UIMC1: variants seen among roughly 807,000 people sequenced by gnomAD.
UIMC1 encodes ubiquitin interaction motif containing 1, also known as BRCA1-A complex subunit RAP80.
In UIMC1, 42 loss-of-function variants were observed where a neutral mutation model predicts 84.9. The ratio of observed to expected loss-of-function variants is 0.49; its 90% CI spans 0.39 to 0.64. The LOEUF (loss-of-function observed/expected upper bound fraction) is 0.64. UIMC1 is among the 30% of genes least tolerant of loss of function. UIMC1 has a pLI of 0.00. For missense variants in UIMC1, 825 were observed against 847.6 expected (o/e 0.97, Z 0.33); for synonymous variants, 281 against 293.0 (o/e 0.96, Z 0.42).
chr5:176,943,319 C>T lies in UIMC1; in HGVS notation c.1597+16G>A. The T allele has an allele frequency of 6.2e-7, 1 of 1,611,328 alleles. No individual in the cohort carries two copies. The highest frequency in any genetic ancestry group is 8.5e-7 in the Non-Finnish European group (1 of 1,178,836). Reference sequence around the variant, plus strand: ...CACAAAAAAGTAAGAGTTTGGCTGTCCTGCTGGGTCTTTACCTGTATCTTC... The same window carrying T: ...CACAAAAAAGTAAGAGTTTGGCTGTTCTGCTGGGTCTTTACCTGTATCTTC... On this transcript the variant is annotated intron_variant, in intron 10 of 14. Transcript: ENST00000511320.
At chr5:176,974,256 T>C (rs548810552) in intron 3 of UIMC1, among the ~76,000 whole-genome samples, 1 of 151,994 alleles carries the variant, frequency 6.6e-6, no homozygotes, top group South Asian at 2.1e-4. Context: ...GAACAGAAAA[T>C]TCAGAAATAG....
intron 10 of UIMC1, among the ~76,000 whole-genome samples, chr5:176,938,590 A>G (rs1480152991): frequency 6.6e-6 from 1 of 152,168 alleles, no homozygotes; most frequent in African/African-American, 2.4e-5. Context: ...AAAAATCAAC[A>G]GAGAGCTCTC....
chr5:177,000,300 G>A (rs1030776413), intron 1 of UIMC1, among the ~76,000 whole-genome samples: 1 of 151,782 alleles, frequency 6.6e-6, no homozygotes, highest in Admixed American at 6.6e-5. Context: ...CCATAGTGCT[G>A]GTACTAGTTT....
At position 176,982,635 on chromosome 5, in the gene UIMC1, G is replaced by A. The variant is rs904920798; in HGVS notation, c.-8-12C>T. ...TGGCATCCTTTTGTCTAGAATAAAA[G>A]GACAATAATTTTGTCTAGAATAAAA... On this transcript the variant is annotated splice_polypyrimidine_tract_variant and intron_variant, in intron 1 of 14. Coordinates refer to ENST00000511320, the MANE Select transcript of UIMC1 (RefSeq NM_001199298.2). 1 of 1,603,332 alleles carries A rather than the reference G, an allele frequency of 6.2e-7. No homozygotes were observed. Among genetic ancestry groups the A allele is most frequent in the Non-Finnish European group, 8.5e-7 (1 of 1,177,312 alleles).
chr5:176,921,799 T>A (rs1397360326), intron 10 of UIMC1, among the ~76,000 whole-genome samples: 1 of 152,190 alleles, frequency 6.6e-6, no homozygotes, highest in Non-Finnish European at 1.5e-5. Flanking sequence ...CTCTATAGAT[T>A]ATTTTCCACA....
intron 9 of UIMC1, among the ~76,000 whole-genome samples, chr5:176,950,604 T>C (rs1765748087): frequency 6.7e-6 from 1 of 150,030 alleles, no homozygotes; most frequent in African/African-American, 2.4e-5. Flanking sequence ...GCGCGGTGGC[T>C]CACGCCTGTA....
At chr5:176,907,447 C>T (rs1759535749) in intron 12 of UIMC1, 1 of 349,962 alleles carries the variant, frequency 2.9e-6, no homozygotes, top group African/African-American at 2.1e-5. Flanking sequence ...CCAGAATAAA[C>T]TGGCTGTATA....
chr5:177,010,876 G>A (rs778900339), upstream of UIMC1, among the ~76,000 whole-genome samples: 4 of 152,054 alleles, frequency 2.6e-5, no homozygotes, highest in East Asian at 1.9e-4. Context: ...TAATATATCT[G>A]TAATGCTCTG....
intron 1 of UIMC1, among the ~76,000 whole-genome samples, chr5:177,019,880 T>C (rs1307664930): frequency 1.3e-5 from 2 of 151,664 alleles, no homozygotes; most frequent in African/African-American, 2.4e-5. Context: ...TGCAGTGAAC[T>C]GAGATGGTGC....
chr5:176,942,763 A>G (rs1764596961), intron 10 of UIMC1, among the ~76,000 whole-genome samples: 1 of 148,434 alleles, frequency 6.7e-6, no homozygotes, highest in Admixed American at 6.7e-5. Context: ...AAAAAAAAAA[A>G]AAAAGGTTGG....
At chr5:177,000,196 C>A (rs766991079) in intron 1 of UIMC1, among the ~76,000 whole-genome samples, 3 of 152,166 alleles carry the variant, frequency 2.0e-5, no homozygotes, top group African/African-American at 4.8e-5. Context: ...ACCTCATGAT[C>A]CGCCGCCTCG....
At chr5:176,950,010 G>A (rs1032812002) in intron 9 of UIMC1, among the ~76,000 whole-genome samples, 16 of 150,814 alleles carry the variant, frequency 1.1e-4, no homozygotes, top group African/African-American at 3.4e-4. Context: ...AGCCGAGATC[G>A]CACCACTGCA....
At chr5:176,979,089 T>C (rs1770598313) in intron 2 of UIMC1, among the ~76,000 whole-genome samples, 1 of 152,110 alleles carries the variant, frequency 6.6e-6, no homozygotes, top group Non-Finnish European at 1.5e-5. Context: ...ATGTGACAGA[T>C]TAACGGAAGA....
At chr5:177,014,198 G>A (rs2454950) in intron 1 of UIMC1, among the ~76,000 whole-genome samples, 64,108 of 150,952 alleles carry the variant, frequency 0.42, 13,736 homozygotes, top group East Asian at 0.47. Context: ...GATTACAGGC[G>A]TGCAACACCA....
intron 10 of UIMC1, among the ~76,000 whole-genome samples, chr5:176,934,251 GA>G (rs1763457249): frequency 6.6e-6 from 1 of 152,042 alleles, no homozygotes; most frequent in South Asian, 2.1e-4. Context: ...ATTTTATATA[GA>G]AAAAGACATA....
chr5:176,969,388 A>G, intron 5 of UIMC1, 97 bp from the exon 6 acceptor site: 2 of 1,483,956 alleles, frequency 1.3e-6, no homozygotes, highest in Non-Finnish European at 1.8e-6. Context: ...AATATGGGTA[A>G]GAAAGGCTCT....
chr5:176,995,774 C>T (rs1773515077), intron 1 of UIMC1, among the ~76,000 whole-genome samples: 1 of 138,840 alleles, frequency 7.2e-6, no homozygotes. Context: ...ACCTGGGAGG[C>T]AGAGGTTGCG....
chr5:176,921,997 C>T (rs920433352), intron 10 of UIMC1, among the ~76,000 whole-genome samples: 14 of 152,140 alleles, frequency 9.2e-5, no homozygotes, highest in Non-Finnish European at 8.8e-5. Context: ...AAGAAACATG[C>T]CAAACACACT....
intron 9 of UIMC1, among the ~76,000 whole-genome samples, chr5:176,945,393 C>T (rs1764952136): frequency 6.6e-6 from 1 of 152,142 alleles, no homozygotes. Context: ...TAGGGAGACT[C>T]CCTGAAACTA....
Sources: allele counts gnomAD v4.1 joint callset (sites outside exome capture counted in the v4.1 genomes callset), GRCh38; gene constraint gnomAD v4.1.1; transcripts MANE v1.5; gene names NCBI Gene and HGNC (gene_info 2026-07-23, HGNC 2026-07-21).